The following MTCH2 variants were observed in gnomAD, a reference collection of about 807,000 sequenced individuals.
MTCH2 encodes mitochondrial carrier homolog 2.
A neutral mutation model predicts 50.6 loss-of-function variants in MTCH2; 25 were observed. The ratio of observed to expected loss-of-function variants is 0.49; its 90% confidence interval spans 0.36 to 0.69. The LOEUF (loss-of-function observed/expected upper bound fraction) is 0.69. Among genes scored for constraint, MTCH2 ranks in the 30% least tolerant of loss-of-function variants. The probability of loss-of-function intolerance (pLI) is 0.00; values close to 1 mark genes in which losing one functional copy is unlikely to be tolerated. For synonymous variants in MTCH2, 106 were observed against 132.0 expected (o/e 0.80, Z 1.35); for missense variants, 273 against 384.4 (o/e 0.71, Z 2.42).
chr11:47,634,479 A>G (rs1387735155), intron 5 of MTCH2, among the ~76,000 whole-genome samples, 193 bp downstream of exon 5: 1 of 152,186 alleles, frequency 6.6e-6, no homozygotes, highest in African/African-American at 2.4e-5. Context: ...CTTGAAATGC[A>G]TCTATTCTGA....
downstream of MTCH2, among the ~76,000 whole-genome samples, chr11:47,614,173 A>G (rs2097287045): frequency 6.6e-6 from 1 of 152,102 alleles, no homozygotes; most frequent in Admixed American, 6.6e-5. Flanking sequence ...AAATGCCTCG[A>G]CTGGCTTCAT....
chr11:47,613,612 C>A (rs1325822852), downstream of MTCH2, among the ~76,000 whole-genome samples: 4 of 152,144 alleles, frequency 2.6e-5, no homozygotes, highest in Non-Finnish European at 5.9e-5. Flanking sequence ...TCTATATAAA[C>A]CATCATAATA....
At chr11:47,605,914 TAGGTGTTCTCAAGCA>T in the MTCH2 span, among the ~76,000 whole-genome samples, 166 of 152,376 alleles carry the variant, frequency 1.1e-3, 1 homozygote, top group African/African-American at 3.8e-3. Context: ...CTTATTTTTC[TAGGTGTTCTCAAGCA>T]AGGTGTTCTC....
intron 11 of MTCH2, among the ~76,000 whole-genome samples, chr11:47,624,304 A>G (rs536155178): frequency 6.6e-6 from 1 of 152,162 alleles, no homozygotes; most frequent in Admixed American, 6.6e-5. Flanking sequence ...TTGGAAATCA[A>G]TGGAGTCTAC....
chr11:47,626,763 C>T (rs2097298599), intron 10 of MTCH2, among the ~76,000 whole-genome samples: 1 of 152,100 alleles, frequency 6.6e-6, no homozygotes, highest in African/African-American at 2.4e-5. Context: ...CAGGCATGCA[C>T]CACCACGCTC....
At chr11:47,617,266 TAGGA>T, downstream of MTCH2, 1 of 152,088 alleles carries the variant, frequency 6.6e-6, no homozygotes, top group Non-Finnish European at 1.5e-5. Context: ...GCTTCTCAAC[TAGGA>T]ATAGGCAAGC....
chr11:47,629,109 C>T lies in MTCH2; in HGVS notation c.540-63G>A, dbSNP rs879043874. 2.3e-6 allele frequency: 3 copies of T among 1,329,764 alleles called. No homozygotes were observed. The South Asian group carries it at 3.7e-5, about 17-fold the overall frequency. 82.4% of individuals were successfully genotyped at this position (1,329,764 alleles called of 1,614,324 possible). A position where few individuals can be genotyped will look rare whatever the true frequency, so the allele number is the denominator to read the frequency against. Reference sequence around the variant, plus strand: ...GTGATCAGTAACATGACAGGCTCTTCAGTACAAATGTTTGTCAAATAATTA... The same window carrying T: ...GTGATCAGTAACATGACAGGCTCTTTAGTACAAATGTTTGTCAAATAATTA... On this transcript the variant is annotated intron_variant, in intron 8 of 12. Transcript: ENST00000302503.
chr11:47,608,888 G>A, the MTCH2 span, among the ~76,000 whole-genome samples: 1 of 150,340 alleles, frequency 6.7e-6, no homozygotes, highest in African/African-American at 2.5e-5. Context: ...AACCCGGGAG[G>A]CGGAGCTTGC....
chr11:47,628,208 T>C (rs1172641388), intron 9 of MTCH2, among the ~76,000 whole-genome samples: 7 of 152,168 alleles, frequency 4.6e-5, no homozygotes, highest in Non-Finnish European at 1.0e-4. Context: ...GAAAGACAAC[T>C]TCTAGATAAG....
intron 8 of MTCH2, among the ~76,000 whole-genome samples, chr11:47,630,063 C>CG (rs2097301636): frequency 6.6e-6 from 1 of 152,174 alleles, no homozygotes; most frequent in Admixed American, 6.6e-5. Flanking sequence ...GAGTCTCACT[C>CG]TGTCACCCGG....
the MTCH2 span, among the ~76,000 whole-genome samples, chr11:47,606,083 A>G: frequency 4.9e-3 from 753 of 152,180 alleles, 1 homozygote; most frequent in African/African-American, 0.017. Context: ...TCATAGCCAC[A>G]TTGGCAAAGG....
At chr11:47,629,100 C>G (rs899775796) in intron 8 of MTCH2, 54 bp from the exon 9 acceptor site, 1 of 1,361,890 alleles carries the variant, frequency 7.3e-7, no homozygotes, top group Non-Finnish European at 1.0e-6. Context: ...AGTAACATGA[C>G]AGGCTCTTCA....
chr11:47,638,945 C>T, intron 2 of MTCH2, 22 bp downstream of exon 2: 1 of 1,598,788 alleles, frequency 6.3e-7, no homozygotes, highest in Non-Finnish European at 8.5e-7. Context: ...CATGCAAACC[C>T]AAATAAATCA....
At chr11:47,608,080 C>T in the MTCH2 span, among the ~76,000 whole-genome samples, 1 of 152,306 alleles carries the variant, frequency 6.6e-6, no homozygotes, top group Non-Finnish European at 1.5e-5. Context: ...TACCACCAGT[C>T]TTGGGCAAAT....
intron 5 of MTCH2, 40 bp downstream of exon 5, chr11:47,634,632 T>C: frequency 1.3e-6 from 2 of 1,502,370 alleles, no homozygotes; most frequent in Non-Finnish European, 1.8e-6. Context: ...CACCACAGTT[T>C]GATCTGGGCA....
chr11:47,607,088 C>G, the MTCH2 span, among the ~76,000 whole-genome samples: 1 of 152,186 alleles, frequency 6.6e-6, no homozygotes, highest in African/African-American at 2.4e-5. Flanking sequence ...CTCCAATATA[C>G]CCAGGTTTGC....
the MTCH2 span, among the ~76,000 whole-genome samples, chr11:47,611,707 C>T: frequency 6.6e-6 from 1 of 152,244 alleles, no homozygotes; most frequent in Non-Finnish European, 1.5e-5. Flanking sequence ...ACTGGTTTCT[C>T]TTCCTCTTCT....
intron 9 of MTCH2, 71 bp downstream of exon 9, chr11:47,628,882 T>G: frequency 7.1e-7 from 1 of 1,417,180 alleles, no homozygotes. Context: ...CCGGCCCATC[T>G]TACTTTAAAA....
downstream of MTCH2, among the ~76,000 whole-genome samples, chr11:47,614,586 C>T (rs928456834): frequency 5.3e-5 from 8 of 152,000 alleles, no homozygotes; most frequent in African/African-American, 1.9e-4. Context: ...CCTGCCTCAG[C>T]CTCTTTTTTT....
Sources: allele counts gnomAD v4.1 joint callset (sites outside exome capture counted in the v4.1 genomes callset), GRCh38; gene constraint gnomAD v4.1.1; transcripts MANE v1.5; gene names NCBI Gene and HGNC (gene_info 2026-07-23, HGNC 2026-07-21).